CCDC102B: variants seen among roughly 807,000 people sequenced by gnomAD.
CCDC102B encodes the protein coiled-coil domain-containing protein 102B.
CCDC102B carries 75 observed loss-of-function variants against 57.4 expected under a neutral mutation model. The observed-to-expected ratio is 1.31, with a 90% confidence interval of 1.08 to 1.58. The LOEUF is 1.58. CCDC102B is among the 40% of genes most tolerant of loss of function. The probability of loss-of-function intolerance (pLI) is 0.00; values close to 1 mark genes in which losing one functional copy is unlikely to be tolerated. For missense variants in CCDC102B, 636 were observed against 582.6 expected, an observed-to-expected ratio of 1.09 and a Z score of -0.94; for synonymous variants, 206 against 201.9, an observed-to-expected ratio of 1.02 and a Z score of -0.17.
intron 6 of CCDC102B, among the ~76,000 whole-genome samples, chr18:68,945,588 G>T (rs974183485): frequency 1.3e-5 from 2 of 152,030 alleles, no homozygotes; most frequent in Non-Finnish European, 2.9e-5. Flanking sequence ...GTAGATAATT[G>T]GTTAAAACTG....
At chr18:68,765,320 G>GAAAGAAAGAAAGAAAGAAAGAAA (rs1568238728) in intron 2 of CCDC102B, among the ~76,000 whole-genome samples, 2 of 40,618 alleles carry the variant, frequency 4.9e-5, no homozygotes, top group African/African-American at 1.5e-4. Flanking sequence ...AAGGAAGGAA[G>GAAAGAAAGAAAGAAAGAAAGAAA]GAAGGAAAGA....
At chr18:68,937,653 G>T (rs892935691) in intron 6 of CCDC102B, among the ~76,000 whole-genome samples, 7 of 152,026 alleles carry the variant, frequency 4.6e-5, no homozygotes, top group Non-Finnish European at 8.8e-5. Flanking sequence ...AGAATGTGCA[G>T]TTCTGTTACA....
chr18:68,813,696 T>C (rs2036360456), intron 1 of CCDC102B, among the ~76,000 whole-genome samples: 1 of 151,636 alleles, frequency 6.6e-6, no homozygotes, highest in Non-Finnish European at 1.5e-5. Context: ...GAAAAGGACT[T>C]TGAACCTAAT....
intron 6 of CCDC102B, among the ~76,000 whole-genome samples, chr18:68,939,147 A>G (rs1315573184): frequency 6.6e-6 from 1 of 151,818 alleles, no homozygotes; most frequent in Non-Finnish European, 1.5e-5. Context: ...GACTTGAGTC[A>G]GTTAAATACA....
intron 7 of CCDC102B, among the ~76,000 whole-genome samples, chr18:69,049,879 G>A (rs1428537043): frequency 3.3e-5 from 5 of 151,434 alleles, no homozygotes; most frequent in South Asian, 2.1e-4. Context: ...GCTCAATCTC[G>A]GCTCACTGCA....
chr18:68,756,176 A>G (rs573981503), intron 2 of CCDC102B, among the ~76,000 whole-genome samples: 1 of 152,060 alleles, frequency 6.6e-6, no homozygotes, highest in East Asian at 1.9e-4. Context: ...AGAAATAAGA[A>G]CAAATAATAT....
chr18:68,850,085 T>A (rs956879774), intron 4 of CCDC102B, among the ~76,000 whole-genome samples: 3 of 152,144 alleles, frequency 2.0e-5, no homozygotes, highest in African/African-American at 7.2e-5. Context: ...CAAGGCATGT[T>A]GAGCAATGCA....
chr18:68,728,908 T>C (rs534061877), intron 2 of CCDC102B, among the ~76,000 whole-genome samples: 3 of 152,196 alleles, frequency 2.0e-5, no homozygotes, highest in Admixed American at 2.0e-4. Context: ...AAAATTGTTA[T>C]TAATCATGGA....
intron 1 of CCDC102B, among the ~76,000 whole-genome samples, chr18:68,826,689 G>A (rs1240187960): frequency 6.6e-6 from 1 of 151,972 alleles, no homozygotes; most frequent in South Asian, 2.1e-4. Flanking sequence ...AAATCAATTT[G>A]AATTTTTTTC....
At chr18:68,956,758 G>T (rs1283841939) in intron 6 of CCDC102B, among the ~76,000 whole-genome samples, 3 of 149,224 alleles carry the variant, frequency 2.0e-5, no homozygotes, top group Admixed American at 1.4e-4. Flanking sequence ...AATGTACAAG[G>T]GTTCCCTTTT....
At chr18:69,040,681 G>A (rs187490141) in intron 7 of CCDC102B, among the ~76,000 whole-genome samples, 109 of 152,004 alleles carry the variant, frequency 7.2e-4, no homozygotes, top group African/African-American at 2.5e-3. Context: ...GATAAGCAGG[G>A]TTTAAAATAT....
chr18:69,045,035 ATC>A (rs1463833627), intron 7 of CCDC102B, among the ~76,000 whole-genome samples: 2 of 151,880 alleles, frequency 1.3e-5, no homozygotes, highest in African/African-American at 4.8e-5. Context: ...CGCTCCTGTG[ATC>A]TCTTTCTCTT....
At chr18:69,036,407 G>A (rs72959986) in intron 7 of CCDC102B, among the ~76,000 whole-genome samples, 5,005 of 152,078 alleles carry the variant, frequency 0.033, 141 homozygotes, top group East Asian at 0.15. Context: ...TTAGCAAGAC[G>A]ACCTGGGGCC....
At chr18:68,961,202 TTAAA>T (rs1402886565) in intron 6 of CCDC102B, among the ~76,000 whole-genome samples, 2 of 152,030 alleles carry the variant, frequency 1.3e-5, no homozygotes, top group African/African-American at 4.8e-5. Context: ...AAGGGATAGT[TTAAA>T]TAAATTGGCA....
chr18:68,932,547 A>G (rs1232422068), intron 6 of CCDC102B, among the ~76,000 whole-genome samples: 1 of 151,908 alleles, frequency 6.6e-6, no homozygotes, highest in African/African-American at 2.4e-5. Flanking sequence ...TATGTTCCTT[A>G]GATTAACATT....
At chr18:68,910,328 A>G (rs1178108766) in intron 6 of CCDC102B, among the ~76,000 whole-genome samples, 2 of 152,186 alleles carry the variant, frequency 1.3e-5, no homozygotes, top group Non-Finnish European at 2.9e-5. Flanking sequence ...TAGATCAACA[A>G]AAATCAATTA....
intron 1 of CCDC102B, among the ~76,000 whole-genome samples, chr18:68,826,340 G>A (rs1158493946): frequency 1.3e-5 from 2 of 151,596 alleles, no homozygotes; most frequent in East Asian, 3.9e-4. Context: ...GTTTCTGGGA[G>A]CTGGTGGCCA....
intron 2 of CCDC102B, among the ~76,000 whole-genome samples, chr18:68,737,662 C>T (rs1028801345): frequency 1.3e-5 from 2 of 152,120 alleles, no homozygotes; most frequent in Admixed American, 6.5e-5. Context: ...CAAAAGACAT[C>T]CTGGTAGATC....
intron 2 of CCDC102B, among the ~76,000 whole-genome samples, chr18:68,789,610 A>T (rs2035351800): frequency 6.7e-6 from 1 of 148,470 alleles, no homozygotes. Flanking sequence ...CCTTTCTTCC[A>T]GTTGATCGCA....
Sources: gnomAD v4.1 joint callset for allele counts (sites outside exome capture counted in the v4.1 genomes callset) on GRCh38, gnomAD v4.1.1 for gene constraint, MANE v1.5 for transcripts, NCBI Gene and HGNC (gene_info 2026-07-23, HGNC 2026-07-21) for gene names.